Variants in VWA3B observed in about 807,000 individuals in gnomAD.
VWA3B encodes von Willebrand factor A domain containing 3B, also known as von Willebrand factor A domain-containing protein 3B.
VWA3B carries 138 observed loss-of-function variants against 158.3 expected under a neutral mutation model. The ratio of observed to expected loss-of-function variants is 0.87; its 90% CI spans 0.76 to 1.00. The LOEUF is 1.00. Among genes scored for constraint, VWA3B ranks in the 50% least tolerant of loss-of-function variants. The pLI, the probability that VWA3B is intolerant of heterozygous loss-of-function variation, is 0.00. For missense variants in VWA3B, 1,555 were observed against 1,565.1 expected (o/e 0.99, Z 0.11); for synonymous variants, 596 against 587.3 (o/e 1.01, Z -0.21).
At chr2:98,174,425 T>C (rs1263480157) in intron 8 of VWA3B, among the ~76,000 whole-genome samples, 2 of 152,330 alleles carry the variant, frequency 1.3e-5, no homozygotes, top group East Asian at 3.9e-4. Flanking sequence ...TCACTGGCTC[T>C]CTGGAAGACC....
intron 24 of VWA3B, among the ~76,000 whole-genome samples, chr2:98,298,491 T>C (rs549842925): frequency 9.9e-5 from 15 of 151,940 alleles, no homozygotes; most frequent in Non-Finnish European, 1.6e-4. Flanking sequence ...CCCATCCCAT[T>C]CCATTCTATT....
intron 12 of VWA3B, among the ~76,000 whole-genome samples, chr2:98,205,885 G>C (rs1682974452): frequency 6.6e-6 from 1 of 152,058 alleles, no homozygotes; most frequent in South Asian, 2.1e-4. Flanking sequence ...TAGTCAGAGG[G>C]CATACTCTGT....
intron 9 of VWA3B, among the ~76,000 whole-genome samples, chr2:98,187,281 T>C (rs897694173): frequency 6.6e-6 from 1 of 152,186 alleles, no homozygotes; most frequent in Non-Finnish European, 1.5e-5. Context: ...CCTCCTGCAC[T>C]GTGAGCTCCA....
Position 98,125,808 on chromosome 2 carries a change from C to T in VWA3B, c.703-2431C>T, listed in dbSNP as rs543690207. On this transcript the variant is annotated intron_variant, in intron 5 of 27. Coordinates refer to ENST00000477737, the MANE Select transcript of VWA3B (RefSeq NM_144992.5). This position sits in a 1 kb window ranked among gnomAD's most constrained non-coding sequence, Gnocchi z 4.1. ...CCTCCCCAGTAGCTGGGACTACAGG[C>T]GCCTGCCACCACATCCGGCTAATTT... 2.0e-5 allele frequency among the ~76,000 whole-genome samples: 3 copies of T among 152,130 alleles called. No homozygotes were observed. The highest frequency in any genetic ancestry group is 2.1e-4 in the South Asian group (1 of 4,834).
intron 12 of VWA3B, among the ~76,000 whole-genome samples, chr2:98,195,966 A>C (rs1682004977): frequency 6.6e-6 from 1 of 152,228 alleles, no homozygotes; most frequent in Non-Finnish European, 1.5e-5. Flanking sequence ...TTTGCAACCA[A>C]ATAAATGAAC....
chr2:98,315,212 G>T (rs755879175), downstream of VWA3B, among the ~76,000 whole-genome samples: 1 of 152,136 alleles, frequency 6.6e-6, no homozygotes, highest in Non-Finnish European at 1.5e-5. Flanking sequence ...CATTGCCTCA[G>T]ATGATTTGCA....
intron 23 of VWA3B, chr2:98,291,084 G>C (rs1437614127): frequency 1.3e-5 from 2 of 156,016 alleles, no homozygotes; most frequent in Non-Finnish European, 2.8e-5. Context: ...TGGGGTGAGG[G>C]TTTTGATTCT....
chr2:98,243,058 T>C lies in VWA3B; in HGVS notation c.2673+6328T>C, dbSNP rs903746769. Among the ~76,000 whole-genome samples the C allele has an allele frequency of 2.8e-4, 42 of 152,054 alleles. 2 individuals are homozygous for C. Among genetic ancestry groups the C allele is most frequent in the Non-Finnish European group, 4.4e-5 (3 of 68,018 alleles). On this transcript the variant is annotated intron_variant, in intron 19 of 27. Coordinates refer to ENST00000477737, the MANE Select transcript of VWA3B (RefSeq NM_144992.5). ...AATAGTTATCATCCACCTCATCATCTCATGGTTATCTGGCCAGATCTTCTT... is the reference window on the plus strand; with the variant it reads ...AATAGTTATCATCCACCTCATCATCCCATGGTTATCTGGCCAGATCTTCTT...
chr2:98,196,706 T>A (rs1351750195), intron 12 of VWA3B, among the ~76,000 whole-genome samples: 1 of 152,156 alleles, frequency 6.6e-6, no homozygotes, highest in Non-Finnish European at 1.5e-5. Flanking sequence ...TGCCACCATC[T>A]TTTCAGCAGT....
chr2:98,270,598 A>G (rs1291022837), intron 21 of VWA3B, 84 bp from the exon 22 acceptor site: 2 of 1,395,348 alleles, frequency 1.4e-6, no homozygotes, highest in African/African-American at 2.9e-5. Flanking sequence ...TTAGGAAACC[A>G]TCTTACCATA....
At chr2:98,311,720 G>A in intron 26 of VWA3B, 99 bp from the exon 27 acceptor site, 1 of 1,359,578 alleles carries the variant, frequency 7.4e-7, no homozygotes, top group Non-Finnish European at 9.8e-7. Context: ...AGAGGGACGT[G>A]GGCAAGGAGC....
chr2:98,274,353 A>G (rs571123207), intron 22 of VWA3B, among the ~76,000 whole-genome samples: 1 of 152,322 alleles, frequency 6.6e-6, no homozygotes, highest in East Asian at 1.9e-4. Context: ...GTGAAATGCA[A>G]ACCCTTACAG....
chr2:98,263,816 A>G, intron 21 of VWA3B, among the ~76,000 whole-genome samples: 1 of 151,958 alleles, frequency 6.6e-6, no homozygotes, highest in Non-Finnish European at 1.5e-5. Context: ...GAGAATTGTT[A>G]TTAATTATTT....
At chr2:98,172,277 G>C (rs948461972) in intron 8 of VWA3B, among the ~76,000 whole-genome samples, 1 of 152,204 alleles carries the variant, frequency 6.6e-6, no homozygotes, top group Non-Finnish European at 1.5e-5. Flanking sequence ...TTTTCCCCTG[G>C]AGTCAGGCGG....
intron 12 of VWA3B, chr2:98,206,391 A>AT: frequency 4.0e-6 from 1 of 248,458 alleles, no homozygotes; most frequent in Non-Finnish European, 8.4e-6. Context: ...ACTACCATCT[A>AT]TTTTAAATGC....
At chr2:98,290,138 G>A (rs1367456604) in intron 22 of VWA3B, among the ~76,000 whole-genome samples, 3 of 152,140 alleles carry the variant, frequency 2.0e-5, no homozygotes, top group Non-Finnish European at 4.4e-5. Flanking sequence ...CAGTTCATAG[G>A]CTGTACAGGA....
intron 22 of VWA3B, among the ~76,000 whole-genome samples, chr2:98,281,053 C>G (rs1023397907): frequency 6.6e-6 from 1 of 152,234 alleles, no homozygotes; most frequent in African/African-American, 2.4e-5. Flanking sequence ...ACTCGCTCCC[C>G]GCCCCGGAGA....
chr2:98,225,134 A>G (rs1426244680), intron 14 of VWA3B, among the ~76,000 whole-genome samples: 2 of 152,178 alleles, frequency 1.3e-5, no homozygotes, highest in African/African-American at 4.8e-5. Context: ...GGGTTTCCCC[A>G]TGTTGGCCAG....
At chr2:98,137,238 A>T (rs1360300463) in intron 7 of VWA3B, among the ~76,000 whole-genome samples, 1 of 152,198 alleles carries the variant, frequency 6.6e-6, no homozygotes, top group East Asian at 1.9e-4. Context: ...ACTGTTTTCC[A>T]TAGTGGCTGT....
Sources: allele counts gnomAD v4.1 joint callset (sites outside exome capture counted in the v4.1 genomes callset), GRCh38; gene constraint gnomAD v4.1.1; non-coding constraint Gnocchi (gnomAD v3.1); transcripts MANE v1.5; gene names NCBI Gene and HGNC (gene_info 2026-07-23, HGNC 2026-07-21).